Variants in FRMD3 observed in about 807,000 individuals in gnomAD.
FRMD3 encodes the protein FERM domain containing 3.
In FRMD3, 33 loss-of-function variants were observed where a neutral mutation model predicts 70.2. The ratio of observed to expected loss-of-function variants is 0.47; its 90% CI spans 0.36 to 0.63. The LOEUF is 0.63. Ranked by LOEUF, FRMD3 falls within the 20% of genes least tolerant of loss-of-function variation. The probability of loss-of-function intolerance (pLI) is 0.00; values close to 1 mark genes in which losing one functional copy is unlikely to be tolerated. For synonymous variants in FRMD3, 279 were observed against 255.9 expected (o/e 1.09, Z -0.86); for missense variants, 632 against 711.4 (o/e 0.89, Z 1.27).
chr9:83,262,813 C>T (rs1363424611), intron 13 of FRMD3, among the ~76,000 whole-genome samples: 1 of 152,132 alleles, frequency 6.6e-6, no homozygotes, highest in East Asian at 1.9e-4. Context: ...CTCTCCTATC[C>T]CCCACTCCCG....
the FRMD3 span, among the ~76,000 whole-genome samples, chr9:83,547,260 T>C: frequency 1.3e-5 from 2 of 148,636 alleles, no homozygotes; most frequent in African/African-American, 2.4e-5. Flanking sequence ...ATTATTATTA[T>C]ATAATGACCT....
At chr9:83,256,731 C>T (rs1832725561) in intron 13 of FRMD3, among the ~76,000 whole-genome samples, 1 of 151,828 alleles carries the variant, frequency 6.6e-6, no homozygotes, top group Admixed American at 6.6e-5. Flanking sequence ...CAAAAGAAGA[C>T]ATGCATGTGG....
intron 6 of FRMD3, among the ~76,000 whole-genome samples, chr9:83,333,900 T>C (rs985018606): frequency 3.9e-5 from 6 of 152,138 alleles, no homozygotes; most frequent in Admixed American, 3.3e-4. Flanking sequence ...ATAGCGCCCA[T>C]CTAATAGAGT....
chr9:83,544,366 G>A, the FRMD3 span, among the ~76,000 whole-genome samples: 1 of 152,132 alleles, frequency 6.6e-6, no homozygotes, highest in East Asian at 1.9e-4. Flanking sequence ...TTGTGCTTGT[G>A]CTTGGCATTG....
In FRMD3 at chr9:83,390,042, G is replaced by T. The variant is rs375573929; in HGVS notation, c.148-334C>A. Among the ~76,000 whole-genome samples the T allele has an allele frequency of 3.3e-5, 5 of 152,180 alleles. No individual in the cohort carries two copies. In the East Asian group the frequency reaches 9.6e-4, roughly 29 times the overall value. ...TTTCACAACACAGTAACTTGTGGAG[G>T]TCCACAATTTGGAAACTCTCATGTA... is the stretch of plus-strand genomic sequence containing the variant. On this transcript the variant is annotated intron_variant, in intron 1 of 13. Transcript: ENST00000304195.
At chr9:83,421,041 C>T (rs534670167) in intron 1 of FRMD3, among the ~76,000 whole-genome samples, 50 of 147,054 alleles carry the variant, frequency 3.4e-4, no homozygotes, top group Non-Finnish European at 5.6e-4. Flanking sequence ...CCCAGGTTCA[C>T]GCCATTCTCC....
chr9:83,409,497 C>A (rs1176274909), intron 1 of FRMD3, among the ~76,000 whole-genome samples: 1 of 152,168 alleles, frequency 6.6e-6, no homozygotes, highest in South Asian at 2.1e-4. Context: ...CTTTTCCCCA[C>A]GTTAGTTCAG....
At chr9:83,450,018 T>A (rs575651434) in intron 1 of FRMD3, among the ~76,000 whole-genome samples, 11 of 152,304 alleles carry the variant, frequency 7.2e-5, no homozygotes, top group African/African-American at 2.4e-4. Flanking sequence ...ATTCTTCACA[T>A]TGAATGCCCC....
chr9:83,243,136 G>T, downstream of FRMD3: 1 of 1,511,544 alleles, frequency 6.6e-7, no homozygotes, highest in Non-Finnish European at 9.0e-7. Context: ...AGTCACAGAC[G>T]GAGGCTGGAA....
rs143624698 is a variant in FRMD3, at chr9:83,334,449, A to T, written c.596+1067T>A. Among the ~76,000 whole-genome samples, 724 of 152,278 alleles carry T rather than the reference A, an allele frequency of 4.8e-3. 5 individuals carry two copies. The highest frequency in any genetic ancestry group is 7.6e-3 in the Non-Finnish European group (520 of 68,012). On this transcript the variant is annotated intron_variant, in intron 6 of 13. Transcript: ENST00000304195. Reference sequence around the variant, plus strand: ...AGTAGGGGGCGCGCCTGCATAAAGGAGGGAGCTAGAACAATTTCCTCACAC... The same window carrying T: ...AGTAGGGGGCGCGCCTGCATAAAGGTGGGAGCTAGAACAATTTCCTCACAC...
At chr9:83,350,611 G>A (rs2131186577) in intron 3 of FRMD3, 1 of 232,834 alleles carries the variant, frequency 4.3e-6, no homozygotes, top group African/African-American at 6.5e-5. Context: ...CAATAAGAGT[G>A]AAACTCCATC....
rs117714680 is a variant in FRMD3 at position 83,511,349 on chromosome 9, G to C, written c.147+26736C>G. Among the ~76,000 whole-genome samples the C allele has an allele frequency of 7.1e-3, 1,087 of 152,330 alleles. 10 individuals carry two copies. Among genetic ancestry groups the C allele is most frequent in the Non-Finnish European group, 0.01 (692 of 68,034 alleles). ...TGAAGCTCAGAGAGGGCCCAGAGAA[G>C]GGGGGAGGCTGAGAAGGAGGGAGTT... On this transcript the variant is annotated intron_variant, in intron 1 of 13. Transcript: ENST00000304195.
intron 10 of FRMD3, among the ~76,000 whole-genome samples, chr9:83,306,851 T>C (rs1320428812): frequency 1.3e-5 from 2 of 152,166 alleles, no homozygotes; most frequent in Non-Finnish European, 2.9e-5. Context: ...CCTCAGTGAG[T>C]ATATAGTTTC....
chr9:83,372,996 T>C, intron 2 of FRMD3, 41 bp from the exon 3 acceptor site: 1 of 1,544,440 alleles, frequency 6.5e-7, no homozygotes, highest in Non-Finnish European at 8.9e-7. Context: ...AGGGGTCAAA[T>C]TGCTGGACCA....
chr9:83,453,711 ATTTTTT>A (rs59376142), intron 1 of FRMD3, among the ~76,000 whole-genome samples: 3 of 115,096 alleles, frequency 2.6e-5, no homozygotes, highest in African/African-American at 1.1e-4. Context: ...GTTTGTTTTA[ATTTTTT>A]TTTTTTTTTT....
rs115452872 is a variant in FRMD3, at chr9:83,341,779, G to A, written c.472+1411C>T. 5.2e-3 allele frequency among the ~76,000 whole-genome samples: 784 copies of A among 152,208 alleles called. 3 individuals carry two copies. The highest frequency in any genetic ancestry group is 0.018 in the African/African-American group (746 of 41,540). ...GATGAAGCTGTTCCCAGGGAAGGGG[G>A]TGAAGAACAACACACACACCCATTT... On this transcript the variant is annotated intron_variant, in intron 5 of 13. Transcript: ENST00000304195.
At chr9:83,419,040 A>G (rs28567554) in intron 1 of FRMD3, among the ~76,000 whole-genome samples, 2,224 of 152,308 alleles carry the variant, frequency 0.015, 58 homozygotes, top group African/African-American at 0.049. Context: ...CAGGAGTAGA[A>G]AATCAAAAAC....
the FRMD3 span, among the ~76,000 whole-genome samples, chr9:83,572,472 T>C: frequency 6.6e-6 from 1 of 152,182 alleles, no homozygotes; most frequent in Non-Finnish European, 1.5e-5. Context: ...CTCTTTTCAT[T>C]GTCTCTCATT....
At chr9:83,306,642 T>C (rs1050460369) in intron 10 of FRMD3, among the ~76,000 whole-genome samples, 1 of 152,112 alleles carries the variant, frequency 6.6e-6, no homozygotes, top group African/African-American at 2.4e-5. Flanking sequence ...GAAATAACAA[T>C]CTCCTGAGGA....
Sources: allele counts gnomAD v4.1 joint callset (sites outside exome capture counted in the v4.1 genomes callset), GRCh38; gene constraint gnomAD v4.1.1; transcripts MANE v1.5; gene names NCBI Gene and HGNC (gene_info 2026-07-23, HGNC 2026-07-21).